The following SHANK2 variants were observed in gnomAD, a reference collection of about 807,000 sequenced individuals.
SHANK2 encodes the protein SH3 and multiple ankyrin repeat domains protein 2.
In SHANK2, 43 loss-of-function variants were observed where a neutral mutation model predicts 133.7. The ratio of observed to expected loss-of-function variants is 0.32; its 90% confidence interval spans 0.25 to 0.41. The LOEUF (loss-of-function observed/expected upper bound fraction) is 0.41, where lower values mean the gene tolerates loss of function less well. SHANK2 is among the 10% of genes least tolerant of loss of function. SHANK2 has a pLI of 1.00. For synonymous variants in SHANK2, 1,017 were observed against 952.8 expected, an observed-to-expected ratio of 1.07 and a Z score of -1.24; for missense variants, 1,994 against 2,235.8, an observed-to-expected ratio of 0.89 and a Z score of 2.18.
intron 15 of SHANK2, among the ~76,000 whole-genome samples, chr11:70,683,512 G>A (rs1264666803): frequency 1.3e-5 from 2 of 152,208 alleles, no homozygotes; most frequent in Non-Finnish European, 2.9e-5. Context: ...TGTGGACACT[G>A]TAACAAATTG....
At position 71,074,880 on chromosome 11, in the gene SHANK2, C is replaced by T. The variant is rs963975803; in HGVS notation, c.1029+279G>A. On this transcript the variant is annotated intron_variant, in intron 9 of 25. Transcript: ENST00000601538. Reference sequence around the variant, plus strand: ...CTGCAAGCTCCGCCTCCTGGGTTCACGCCATTCTCCTGCCTCAGCTTCCCG... The same window carrying T: ...CTGCAAGCTCCGCCTCCTGGGTTCATGCCATTCTCCTGCCTCAGCTTCCCG... Among the ~76,000 whole-genome samples the T allele has an allele frequency of 3.2e-3, 488 of 151,136 alleles. 2 individuals are homozygous for T. Among genetic ancestry groups the T allele is most frequent in the African/African-American group, 0.012 (474 of 41,156 alleles).
chr11:70,747,413 T>C (rs1298740893), intron 14 of SHANK2, among the ~76,000 whole-genome samples: 2 of 152,172 alleles, frequency 1.3e-5, no homozygotes, highest in African/African-American at 4.8e-5. Context: ...GGCCTGACAT[T>C]CTCAGGCTCC....
At chr11:70,622,331 T>A (rs1343848875) in intron 17 of SHANK2, among the ~76,000 whole-genome samples, 2 of 145,320 alleles carry the variant, frequency 1.4e-5, no homozygotes, top group Admixed American at 6.9e-5. Context: ...CGCCCCCACC[T>A]GTGCTGTGCC....
At chr11:70,811,384 T>C (rs916182637) in intron 12 of SHANK2, among the ~76,000 whole-genome samples, 1 of 152,118 alleles carries the variant, frequency 6.6e-6, no homozygotes, top group South Asian at 2.1e-4. Flanking sequence ...CCACTGTGCA[T>C]CCTCAACAGC....
At chr11:70,784,343 GTTTTTTTTTT>G (rs71049942) in intron 14 of SHANK2, among the ~76,000 whole-genome samples, 45 of 42,860 alleles carry the variant, frequency 1.0e-3, no homozygotes, top group Admixed American at 4.2e-3. Flanking sequence ...ACACCGGCTA[GTTTTTTTTTT>G]TTTTTTTTTT....
chr11:71,120,986 G>A (rs1261266709), intron 3 of SHANK2, among the ~76,000 whole-genome samples: 2 of 152,236 alleles, frequency 1.3e-5, no homozygotes, highest in Non-Finnish European at 2.9e-5. Flanking sequence ...GGTGTCCACC[G>A]TCATTTGTGG....
intron 11 of SHANK2, among the ~76,000 whole-genome samples, chr11:70,868,853 G>C (rs573376787): frequency 6.6e-6 from 1 of 152,336 alleles, no homozygotes; most frequent in African/African-American, 2.4e-5. Context: ...AAAGTCCAGA[G>C]GATGTTGGGG....
At chr11:70,784,343 G>GTTTTTTTTTTTTTTTT (rs71049942) in intron 14 of SHANK2, among the ~76,000 whole-genome samples, 1 of 42,858 alleles carries the variant, frequency 2.3e-5, no homozygotes, top group African/African-American at 7.9e-5. Context: ...ACACCGGCTA[G>GTTTTTTTTTTTTTTTT]TTTTTTTTTT....
chr11:71,122,021 A>C (rs1400237230), intron 3 of SHANK2, among the ~76,000 whole-genome samples: 2 of 152,238 alleles, frequency 1.3e-5, no homozygotes, highest in African/African-American at 4.8e-5. Context: ...GATGTGGAGA[A>C]ATAGGAATGC....
intron 9 of SHANK2, among the ~76,000 whole-genome samples, chr11:71,074,255 C>A (rs2135980340): frequency 6.6e-6 from 1 of 152,298 alleles, no homozygotes; most frequent in Admixed American, 6.5e-5. Context: ...ACAAACTTAC[C>A]CGTTTAAACC....
intron 2 of SHANK2, among the ~76,000 whole-genome samples, chr11:71,170,716 G>A (rs572217862): frequency 1.4e-4 from 21 of 152,310 alleles, no homozygotes; most frequent in Non-Finnish European, 2.6e-4. Context: ...CCAAGGTCAC[G>A]GCAGAGCCCA....
At chr11:70,506,611 T>C (rs2059140501) in intron 17 of SHANK2, among the ~76,000 whole-genome samples, 1 of 152,316 alleles carries the variant, frequency 6.6e-6, no homozygotes. Context: ...TTCGGGGTCA[T>C]GAGCCACTTC....
intron 1 of SHANK2, among the ~76,000 whole-genome samples, chr11:71,233,686 C>T (rs533864939): frequency 3.3e-4 from 51 of 152,302 alleles, no homozygotes; most frequent in African/African-American, 1.1e-3. Context: ...GAAATTTTAA[C>T]GGCATCTGTT....
chr11:71,118,410 C>T (rs1952020849), intron 4 of SHANK2, among the ~76,000 whole-genome samples: 1 of 152,148 alleles, frequency 6.6e-6, no homozygotes, highest in Non-Finnish European at 1.5e-5. Flanking sequence ...AGGAACATTA[C>T]AGTCATGGTG....
chr11:70,532,294 G>C (rs1212160017), intron 17 of SHANK2, among the ~76,000 whole-genome samples: 1 of 152,124 alleles, frequency 6.6e-6, no homozygotes, highest in African/African-American at 2.4e-5. Flanking sequence ...AACTGTGTAG[G>C]TTGTTCACTC....
At chr11:70,709,520 T>C (rs782280732) in intron 14 of SHANK2, among the ~76,000 whole-genome samples, 3 of 152,196 alleles carry the variant, frequency 2.0e-5, no homozygotes, top group African/African-American at 4.8e-5. Flanking sequence ...GGAAATATCA[T>C]ATGTCAGCTA....
At chr11:70,492,493 A>G in intron 21 of SHANK2, 28 bp from the exon 22 acceptor site, 5 of 1,613,468 alleles carry the variant, frequency 3.1e-6, no homozygotes, top group Non-Finnish European at 4.2e-6. Context: ...GGATTGGAGC[A>G]GCAACACCAG....
chr11:70,536,314 G>A (rs1016406707), intron 17 of SHANK2, among the ~76,000 whole-genome samples: 2 of 152,228 alleles, frequency 1.3e-5, no homozygotes, highest in South Asian at 2.1e-4. Context: ...GTTCAACTCC[G>A]TTGGACCAAG....
rs2058812400 is a variant in SHANK2 at position 70,486,724 on chromosome 11, G to T, written c.3569C>A (p.Ser1190Tyr). ...GGGGCCGGCTGTGCCGCTGCTCGCG[G>T]AGGGCACTGCTGGGCTGCTCTCGGG... ...QGPESSPAVP[S>Y]ASSGTAGPGN... Residue 1190 changes from serine (S) to tyrosine (Y), a missense_variant, in exon 25 of 26, where the codon TCC (serine) becomes TAC (tyrosine). Ser to Tyr is a moderately radical substitution (Grantham distance 144). This residue lies in a region of SHANK2 where 797 missense variants were observed against 907.4 expected (regional missense o/e 0.88). Coordinates refer to ENST00000601538, the MANE Select transcript of SHANK2 (RefSeq NM_012309.5). The surrounding 1 kb of genome is among the most constrained non-coding windows in gnomAD (Gnocchi z 8.0). The T allele has an allele frequency of 6.2e-7, 1 of 1,610,514 alleles. No homozygotes were observed. The highest frequency in any genetic ancestry group is 8.5e-7 in the Non-Finnish European group (1 of 1,179,952).
Sources: gnomAD v4.1 joint callset for allele counts (sites outside exome capture counted in the v4.1 genomes callset) on GRCh38, gnomAD v4.1.1 for gene constraint, gnomAD v4.1.1 regional missense constraint, Gnocchi (gnomAD v3.1) non-coding constraint, MANE v1.5 for transcripts, NCBI Gene and HGNC (gene_info 2026-07-23, HGNC 2026-07-21) for gene names.